SKP2: variants seen among roughly 807,000 people sequenced by gnomAD.
SKP2 encodes the protein S-phase kinase-associated protein 2.
SKP2 carries 16 observed loss-of-function variants against 51.8 expected under a neutral mutation model. That is an observed-to-expected ratio of 0.31 (90% CI 0.21 to 0.47). The LOEUF is 0.47. SKP2 is among the 20% of genes least tolerant of loss of function. SKP2 has a pLI of 1.00. For synonymous variants in SKP2, 176 were observed against 198.6 expected (o/e 0.89, Z 0.96); for missense variants, 377 against 505.3 (o/e 0.75, Z 2.43).
downstream of SKP2, among the ~76,000 whole-genome samples, chr5:36,189,139 A>G (rs1304025235): frequency 6.6e-6 from 1 of 151,962 alleles, no homozygotes; most frequent in Non-Finnish European, 1.5e-5. Flanking sequence ...ATCTTTTTTC[A>G]AAGTTTTTAG....
intron 3 of SKP2, among the ~76,000 whole-genome samples, chr5:36,164,539 T>C (rs1252811207): frequency 1.3e-5 from 2 of 152,330 alleles, no homozygotes; most frequent in East Asian, 3.9e-4. Flanking sequence ...TTAAAGGCCA[T>C]CCGTCTGGCT....
chr5:36,183,116 A>G lies in SKP2; in HGVS notation c.*1085A>G. 1.0e-6 allele frequency: 1 copy of G among 983,988 alleles called. No individual in the cohort carries two copies. Among genetic ancestry groups the G allele is most frequent in the Non-Finnish European group, 1.2e-6 (1 of 828,628 alleles). 61.0% of individuals were successfully genotyped at this position (983,988 alleles called of 1,614,324 possible). On this transcript the variant is annotated 3_prime_UTR_variant, in exon 10 of 10. Coordinates refer to ENST00000274255, the MANE Select transcript of SKP2 (RefSeq NM_005983.4). The stretch of plus-strand genomic sequence containing the variant: ...TCTTCAATCAGAAATATACAGTAGA[A>G]GCAGGTATATCTTCCATGCAGTTTC...
chr5:36,168,636 G>A (rs1477374917), intron 5 of SKP2, among the ~76,000 whole-genome samples, 189 bp downstream of exon 5: 1 of 152,172 alleles, frequency 6.6e-6, no homozygotes, highest in Non-Finnish European at 1.5e-5. Context: ...CTAACTATAT[G>A]CCAGGCCCTG....
At position 36,152,871 on chromosome 5, in the gene SKP2, G is replaced by C. The variant is rs1180204836; in HGVS notation, c.109G>C (p.Gly37Arg). 1.2e-6 allele frequency: 2 copies of C among 1,614,040 alleles called. No individual in the cohort carries two copies. The highest frequency in any genetic ancestry group is 2.2e-5 in the East Asian group (1 of 44,858). Reference sequence around the variant, plus strand: ...GACTTCTGAACTGCTGTCAGGCATGGGGGTCTCCGCCCTGGAGAAAGAGGA... The same window carrying C: ...GACTTCTGAACTGCTGTCAGGCATGCGGGTCTCCGCCCTGGAGAAAGAGGA... ...SKTSELLSGMGVSALEKEEPD... is the reference protein window; with the variant it reads ...SKTSELLSGMRVSALEKEEPD... Residue 37 changes from glycine to arginine, a missense_variant, in exon 2 of 10, where the codon GGG (glycine) becomes CGG (arginine). Transcript: ENST00000274255.
intron 6 of SKP2, among the ~76,000 whole-genome samples, chr5:36,190,762 C>T (rs1746006005): frequency 6.6e-6 from 1 of 150,578 alleles, no homozygotes; most frequent in Non-Finnish European, 1.5e-5. Flanking sequence ...TGGCCAATCT[C>T]ACTGAATCCA....
At chr5:36,164,654 G>A (rs192195895) in intron 3 of SKP2, among the ~76,000 whole-genome samples, 8 of 152,306 alleles carry the variant, frequency 5.3e-5, no homozygotes, top group East Asian at 1.9e-4. Context: ...TAGAAGAGCC[G>A]CAGAGAGGGT....
rs543169583 is a variant in SKP2 at position 36,164,017 on chromosome 5, G to A, written c.392+261G>A. On this transcript the variant is annotated intron_variant, in intron 3 of 9. Transcript: ENST00000274255. ...TGTGTTTATGGGATGCTGACTGTAG[G>A]CCAGGCGGTGTGCTTTAAGTGCGGA... 2.0e-5 allele frequency among the ~76,000 whole-genome samples: 3 copies of A among 152,162 alleles called. No individual in the cohort carries two copies. In the East Asian group the frequency reaches 5.8e-4, roughly 29 times the overall value.
rs879050367 is a variant in SKP2, at chr5:36,182,489, AAG to A, written c.*462_*463del. The A allele has an allele frequency of 8.1e-6, 8 of 987,678 alleles. No individual in the cohort carries two copies. Among genetic ancestry groups the A allele is most frequent in the South Asian group, 4.7e-5 (1 of 21,482 alleles). 61.2% of individuals were successfully genotyped at this position (987,678 alleles called of 1,614,324 possible). A position where few individuals can be genotyped will look rare whatever the true frequency, so the allele number is the denominator to read the frequency against. ...CTATTTGTATTATGAGCTGAACAAA[AAG>A]AGAATCATAGGATAGTAGCGTCTGA... On this transcript the variant is annotated 3_prime_UTR_variant, in exon 10 of 10. Transcript: ENST00000274255.
At chr5:36,191,085 TTCTA>T (rs1405711159) in intron 6 of SKP2, among the ~76,000 whole-genome samples, 3 of 152,212 alleles carry the variant, frequency 2.0e-5, no homozygotes, top group Non-Finnish European at 2.9e-5. Flanking sequence ...CTGTCCTGTG[TTCTA>T]CATTCTGGAT....
In SKP2 at chr5:36,182,970, T is replaced by C. The variant is rs1317276929; in HGVS notation, c.*939T>C. The C allele has an allele frequency of 6.3e-6, 6 of 959,980 alleles. No homozygotes were observed. Among genetic ancestry groups the C allele is most frequent in the Non-Finnish European group, 7.4e-6 (6 of 810,158 alleles). The allele number at this position is 959,980 out of a possible 1,614,324, so 59.5% of individuals were successfully genotyped here. On this transcript the variant is annotated 3_prime_UTR_variant, in exon 10 of 10. Transcript: ENST00000274255. Reference sequence around the variant, plus strand: ...GTTCTTAAGGTTACTTTTATATTACTCTGGAATCAAGTATTTTAAATTGTA... The same window carrying C: ...GTTCTTAAGGTTACTTTTATATTACCCTGGAATCAAGTATTTTAAATTGTA...
chr5:36,179,702 A>G (rs998763893), intron 9 of SKP2, among the ~76,000 whole-genome samples: 3 of 152,166 alleles, frequency 2.0e-5, no homozygotes, highest in Admixed American at 2.0e-4. Context: ...AATCCTGTGA[A>G]AGAGTTCATA....
At chr5:36,180,096 A>G (rs182119383) in intron 9 of SKP2, 70 of 440,938 alleles carry the variant, frequency 1.6e-4, no homozygotes, top group Admixed American at 1.5e-3. Flanking sequence ...TTGCAAGAAC[A>G]TGTCCTCCTC....
At chr5:36,190,524 T>C (rs528605777) in intron 6 of SKP2, among the ~76,000 whole-genome samples, 42 of 152,136 alleles carry the variant, frequency 2.8e-4, no homozygotes, top group Non-Finnish European at 5.4e-4. Context: ...CAGAAACTAT[T>C]TGAATGTTCA....
At position 36,163,764 on chromosome 5, in the gene SKP2, T is replaced by C. The variant is rs1561534190; in HGVS notation, c.392+8T>C. 1 of 1,563,030 alleles carries C rather than the reference T, an allele frequency of 6.4e-7. No homozygotes were observed. Among genetic ancestry groups the C allele is most frequent in the Non-Finnish European group, 8.8e-7 (1 of 1,133,398 alleles). ...GAGGTGGTATCGCCTAGCGTAAGTATTTTTCACCCCTTTGGCAAACGTAGG... is the reference window on the plus strand; with the variant it reads ...GAGGTGGTATCGCCTAGCGTAAGTACTTTTCACCCCTTTGGCAAACGTAGG... On this transcript the variant is annotated splice_region_variant and intron_variant, in intron 3 of 9. Transcript: ENST00000274255.
intron 6 of SKP2, among the ~76,000 whole-genome samples, chr5:36,191,500 C>G (rs1444164868): frequency 6.6e-6 from 1 of 151,276 alleles, no homozygotes; most frequent in East Asian, 1.9e-4. Flanking sequence ...TTTACCTGCT[C>G]TTGGGCTCTT....
intron 8 of SKP2, 63 bp downstream of exon 8, chr5:36,177,079 G>T: frequency 1.5e-6 from 2 of 1,362,620 alleles, no homozygotes; most frequent in Non-Finnish European, 2.1e-6. Context: ...CATTAAATTG[G>T]GAAAGGATCA....
rs959288563 is a variant in SKP2 at position 36,152,199 on chromosome 5, A to C, written c.-64A>C. 30 of 1,588,642 alleles carry C rather than the reference A, an allele frequency of 1.9e-5. No individual in the cohort carries two copies. Among genetic ancestry groups the C allele is most frequent in the Non-Finnish European group, 2.4e-5 (28 of 1,157,638 alleles). On this transcript the variant is annotated 5_prime_UTR_variant, in exon 1 of 10. Transcript: ENST00000274255. ...GGAGCCGCCGCGCGCCAAAGCGGGA[A>C]TCTGGGAGGCGAGCAGCTCTGCAGT...
At chr5:36,168,019 C>G (rs1417698217) in intron 4 of SKP2, among the ~76,000 whole-genome samples, 4 of 152,166 alleles carry the variant, frequency 2.6e-5, no homozygotes, top group African/African-American at 9.7e-5. Flanking sequence ...GTCTTAATCT[C>G]CTTGTCACCC....
At chr5:36,166,706 A>G in intron 4 of SKP2, 44 bp downstream of exon 4, 1 of 1,420,198 alleles carries the variant, frequency 7.0e-7, no homozygotes. Flanking sequence ...CTAAATTTCG[A>G]GGTAGAAACA....
Sources: gnomAD v4.1 joint callset for allele counts (sites outside exome capture counted in the v4.1 genomes callset) on GRCh38, gnomAD v4.1.1 for gene constraint, MANE v1.5 for transcripts, NCBI Gene and HGNC (gene_info 2026-07-23, HGNC 2026-07-21) for gene names.